The following ADGRV1 variants were observed in gnomAD, a reference collection of about 807,000 sequenced individuals.
ADGRV1 encodes adhesion G protein-coupled receptor V1.
ADGRV1 carries 359 observed loss-of-function variants against 596.2 expected under a neutral mutation model. The observed-to-expected ratio is 0.60, with a 90% CI of 0.55 to 0.66. ADGRV1 has a LOEUF of 0.66. Ranked by LOEUF, ADGRV1 falls within the 30% of genes least tolerant of loss-of-function variation. ADGRV1 has a pLI of 0.00. For synonymous variants in ADGRV1, 2,681 were observed against 2,679.2 expected, an observed-to-expected ratio of 1.00 and a Z score of -0.02; for missense variants, 7,274 against 7,575.6, an observed-to-expected ratio of 0.96 and a Z score of 1.48.
At chr5:90,706,443 T>C (rs1236349044) in intron 38 of ADGRV1, 49 bp downstream of exon 38, 25 of 1,422,414 alleles carry the variant, frequency 1.8e-5, no homozygotes, top group Admixed American at 2.7e-5. Flanking sequence ...GTTTAATAAG[T>C]TTTTTTTATT....
chr5:90,794,885 A>G (rs1760498845), intron 70 of ADGRV1, among the ~76,000 whole-genome samples: 2 of 151,596 alleles, frequency 1.3e-5, no homozygotes, highest in Non-Finnish European at 2.9e-5. Context: ...GGGGTTGGGG[A>G]ATTTTTGCCC....
chr5:90,809,178 G>A lies in ADGRV1; in HGVS notation c.14973-1055G>A, dbSNP rs934056784. Among the ~76,000 whole-genome samples, 125 of 151,518 alleles carry A rather than the reference G, an allele frequency of 8.2e-4. 1 individual carries two copies. The highest frequency in any genetic ancestry group is 1.4e-3 in the Non-Finnish European group (94 of 67,874). On this transcript the variant is annotated intron_variant, in intron 73 of 89. Coordinates refer to ENST00000405460, the MANE Select transcript of ADGRV1 (RefSeq NM_032119.4). ...TCACTGTGTTAGCCAGGATGGTCTC[G>A]ATCTCCTGACCTCGTGATCCGCCCA...
intron 1 of ADGRV1, among the ~76,000 whole-genome samples, chr5:90,574,047 T>C (rs1442598918): frequency 6.6e-6 from 1 of 151,882 alleles, no homozygotes; most frequent in African/African-American, 2.4e-5. Flanking sequence ...GCTGTTTTGG[T>C]TACTGTGGCT....
intron 83 of ADGRV1, among the ~76,000 whole-genome samples, chr5:90,928,619 T>C (rs1774796445): frequency 6.6e-6 from 1 of 150,498 alleles, no homozygotes; most frequent in African/African-American, 2.5e-5. Flanking sequence ...TCTGAAGCCT[T>C]CTTCTCTCAG....
intron 55 of ADGRV1, among the ~76,000 whole-genome samples, chr5:90,756,125 T>C (rs943744477): frequency 2.0e-5 from 3 of 152,078 alleles, no homozygotes; most frequent in African/African-American, 7.2e-5. Flanking sequence ...TACCAGTGTT[T>C]CCTAAATTTT....
Position 90,627,400 on chromosome 5 carries a change from G to A in ADGRV1, c.862G>A (p.Asp288Asn). Reference protein sequence around the residue: ...ILIIPVVRGKDNNGNLIGSDE... With the variant: ...ILIIPVVRGKNNNGNLIGSDE... ...CATAATTCCAGTAGTTCGTGGAAAG[G>A]ACAACAATGGAAATCTGATTGGATC... Residue 288 changes from aspartate (D) to asparagine (N), a missense_variant, in exon 7 of 90, where the codon GAC (aspartate) becomes AAC (asparagine). Coordinates refer to ENST00000405460, the MANE Select transcript of ADGRV1 (RefSeq NM_032119.4). The A allele has an allele frequency of 5.0e-6, 8 of 1,613,874 alleles. No homozygotes were observed. Among genetic ancestry groups the A allele is most frequent in the Non-Finnish European group, 6.8e-6 (8 of 1,179,838 alleles).
At chr5:90,686,663 C>T (rs904135218) in intron 29 of ADGRV1, among the ~76,000 whole-genome samples, 12 of 152,154 alleles carry the variant, frequency 7.9e-5, no homozygotes, top group Non-Finnish European at 1.2e-4. Flanking sequence ...TGAATAGTGC[C>T]GCAATAAACA....
At chr5:90,564,621 A>AAAAAGTTGTGGCCTGGGCGTGGTGGC (rs1580277603) in intron 1 of ADGRV1, among the ~76,000 whole-genome samples, 5 of 44,216 alleles carry the variant, frequency 1.1e-4, no homozygotes, top group Admixed American at 1.5e-4. Context: ...TAATATATAT[A>AAAAAGTTGTGGCCTGGGCGTGGTGGC]TATATTTTTT....
chr5:90,594,651 C>T (rs1218103548), intron 1 of ADGRV1, among the ~76,000 whole-genome samples: 2 of 148,854 alleles, frequency 1.3e-5, no homozygotes, highest in Non-Finnish European at 1.5e-5. Flanking sequence ...GCGTTTGTGT[C>T]CCTGGGTACT....
chr5:90,811,422 G>C, intron 74 of ADGRV1, 84 bp downstream of exon 74: 3 of 1,240,464 alleles, frequency 2.4e-6, no homozygotes, highest in Non-Finnish European at 2.2e-6. Context: ...AAATTTAATG[G>C]AAGAAGGTGA....
chr5:90,927,098 A>C (rs1474543192), intron 83 of ADGRV1, among the ~76,000 whole-genome samples: 4 of 147,864 alleles, frequency 2.7e-5, no homozygotes, highest in African/African-American at 5.1e-5. Context: ...TGCTGAAAAA[A>C]ATGTATATTC....
chr5:90,967,538 T>A (rs1224388841), intron 84 of ADGRV1, among the ~76,000 whole-genome samples: 1 of 152,190 alleles, frequency 6.6e-6, no homozygotes, highest in Non-Finnish European at 1.5e-5. Context: ...TTGTTATCTG[T>A]CTGCCTGTAT....
chr5:90,839,058 T>C (rs1266303108), intron 77 of ADGRV1, among the ~76,000 whole-genome samples: 3 of 152,194 alleles, frequency 2.0e-5, no homozygotes, highest in African/African-American at 7.2e-5. Context: ...TATCCTAATA[T>C]ACACAATAGC....
At chr5:91,104,714 C>T (rs1245337697) in intron 87 of ADGRV1, among the ~76,000 whole-genome samples, 2 of 152,142 alleles carry the variant, frequency 1.3e-5, no homozygotes, top group African/African-American at 2.4e-5. Flanking sequence ...GGTTATTTCA[C>T]TTACCATAAT....
intron 77 of ADGRV1, among the ~76,000 whole-genome samples, chr5:90,830,647 TAGTGTATAACTCATAA>T (rs1764446578): frequency 6.6e-6 from 1 of 152,184 alleles, no homozygotes; most frequent in African/African-American, 2.4e-5. Flanking sequence ...ATGCTGTCAG[TAGTGTATAACTCATAA>T]AGGGCACTTA....
In ADGRV1 at chr5:90,627,400, GACA is replaced by G. The variant is rs1438687296; in HGVS notation, c.867_869del (p.Asn290del). 6.2e-7 allele frequency: 1 copy of G among 1,613,874 alleles called. No homozygotes were observed. The highest frequency in any genetic ancestry group is 1.1e-5 in the South Asian group (1 of 91,080). On this transcript the variant is annotated inframe_deletion, in exon 7 of 90. Coordinates refer to ENST00000405460, the MANE Select transcript of ADGRV1 (RefSeq NM_032119.4). Reference sequence around the variant, plus strand: ...CATAATTCCAGTAGTTCGTGGAAAGGACAACAATGGAAATCTGATTGGATCTGA... The same window carrying G: ...CATAATTCCAGTAGTTCGTGGAAAGGACAATGGAAATCTGATTGGATCTGA...
At chr5:91,075,846 C>T (rs1788811064) in intron 86 of ADGRV1, among the ~76,000 whole-genome samples, 2 of 152,120 alleles carry the variant, frequency 1.3e-5, no homozygotes, top group African/African-American at 4.8e-5. Context: ...AGAGTTTCCA[C>T]GGTCTGACCC....
intron 77 of ADGRV1, among the ~76,000 whole-genome samples, chr5:90,835,769 C>T (rs959963384): frequency 5.9e-5 from 9 of 152,068 alleles, no homozygotes; most frequent in African/African-American, 2.2e-4. Flanking sequence ...ATATCTTTCA[C>T]AAGTGAAGAG....
At chr5:90,734,090 C>T (rs533227812) in intron 50 of ADGRV1, among the ~76,000 whole-genome samples, 1 of 152,298 alleles carries the variant, frequency 6.6e-6, no homozygotes, top group African/African-American at 2.4e-5. Context: ...TCCCAAATGA[C>T]AGAATTTTGT....
Sources: gnomAD v4.1 joint callset for allele counts (sites outside exome capture counted in the v4.1 genomes callset) on GRCh38, gnomAD v4.1.1 for gene constraint, MANE v1.5 for transcripts, NCBI Gene and HGNC (gene_info 2026-07-23, HGNC 2026-07-21) for gene names.